The following NAV1 variants were observed in gnomAD, a reference collection of about 807,000 sequenced individuals.
The protein encoded by NAV1 is pore membrane and/or filament interacting like protein 3.
A neutral mutation model predicts 175.2 loss-of-function variants in NAV1; 18 were observed. The observed-to-expected ratio is 0.10, with a 90% CI of 0.07 to 0.15. NAV1 has a LOEUF of 0.15. Among genes scored for constraint, NAV1 ranks in the 10% least tolerant of loss-of-function variants. The pLI, the probability that NAV1 is intolerant of heterozygous loss-of-function variation, is 1.00. For missense variants in NAV1, 1,731 were observed against 2,436.6 expected (o/e 0.71, Z 6.10); for synonymous variants, 897 against 978.7 (o/e 0.92, Z 1.56).
At chr1:201,751,351 C>T (rs147218439) in intron 3 of NAV1, among the ~76,000 whole-genome samples, 71 of 152,312 alleles carry the variant, frequency 4.7e-4, no homozygotes, top group African/African-American at 1.7e-3. Flanking sequence ...GATAAAGCAC[C>T]TAAAAATCTA....
chr1:201,762,973 G>GT (rs1472103312), intron 3 of NAV1, among the ~76,000 whole-genome samples: 5 of 151,878 alleles, frequency 3.3e-5, no homozygotes, highest in Admixed American at 3.3e-4. Flanking sequence ...ATCTATGTGG[G>GT]TTTTAGAAAG....
chr1:201,549,806 C>G (rs559292269), intron 1 of NAV1, among the ~76,000 whole-genome samples: 3 of 150,554 alleles, frequency 2.0e-5, no homozygotes, highest in Non-Finnish European at 4.4e-5. Context: ...GTCAGGAGAT[C>G]GAGAACATCC....
chr1:201,593,368 T>C (rs867747354), intron 2 of NAV1, among the ~76,000 whole-genome samples: 4 of 152,326 alleles, frequency 2.6e-5, no homozygotes, highest in Middle Eastern at 3.4e-3. Flanking sequence ...GGCTAACGCA[T>C]GCCCATAAAT....
intron 2 of NAV1, among the ~76,000 whole-genome samples, chr1:201,593,019 G>C (rs1280229392): frequency 6.6e-6 from 1 of 152,144 alleles, no homozygotes; most frequent in East Asian, 1.9e-4. Context: ...TCTGCATGAG[G>C]CTCCTATCAC....
At chr1:201,778,422 T>C (rs192417083) in intron 3 of NAV1, among the ~76,000 whole-genome samples, 11 of 151,464 alleles carry the variant, frequency 7.3e-5, no homozygotes, top group African/African-American at 2.5e-4. Flanking sequence ...CTGAGAATAG[T>C]TTGTTTGCTT....
rs562098572 is a variant in NAV1 at position 201,668,305 on chromosome 1, G to A, written c.757+18880G>A. Among the ~76,000 whole-genome samples the A allele has an allele frequency of 3.3e-5, 5 of 152,266 alleles. No individual in the cohort carries two copies. The South Asian group carries it at 1.0e-3, about 32-fold the overall frequency. ...TAATCTGATGGCTTTAGCAGGCTTT[G>A]TACTCAAACGGGAGTGAGCTTTGCT... On this transcript the variant is annotated intron_variant, in intron 1 of 29. Coordinates refer to ENST00000367296, the Ensembl canonical transcript of NAV1.
Position 201,603,822 on chromosome 1 carries a change from G to A in NAV1, c.-33+15173G>A, listed in dbSNP as rs1034920342. ...CATAGAGAGTAGGTGCATTACTCTG[G>A]ATGGAAGCCAGGTCTTTGGGCATCG... On this transcript the variant is annotated intron_variant, in intron 2 of 33. Transcript: ENST00000685211. Among the ~76,000 whole-genome samples, 6 of 152,310 alleles carry A rather than the reference G, an allele frequency of 3.9e-5. No individual in the cohort carries two copies. The East Asian group carries it at 1.2e-3, about 29-fold the overall frequency.
chr1:201,810,340 T>C lies in NAV1; in HGVS notation c.4562-183T>C, dbSNP rs1394285979. Among the ~76,000 whole-genome samples, 4 of 152,144 alleles carry C rather than the reference T, an allele frequency of 2.6e-5. No homozygotes were observed. Among genetic ancestry groups the C allele is most frequent in the Non-Finnish European group, 4.4e-5 (3 of 68,034 alleles). ...CACTCCTCACCCCCAGCTCACAGCA[T>C]GTCCCTAAAAAGAAGATCTAAGTTT... On this transcript the variant is annotated intron_variant, in intron 23 of 29. Transcript: ENST00000367296. This position sits in a 1 kb window ranked among gnomAD's most constrained non-coding sequence, Gnocchi z 6.0.
chr1:201,726,864 C>A (rs531708141), intron 3 of NAV1, among the ~76,000 whole-genome samples: 2 of 152,242 alleles, frequency 1.3e-5, no homozygotes, highest in South Asian at 4.1e-4. Flanking sequence ...CTGTAGTGTG[C>A]AGTTAAATAA....
chr1:201,642,167 C>CCTTCCTTCCTT (rs1668780257), intron 2 of NAV1, among the ~76,000 whole-genome samples: 10 of 116,442 alleles, frequency 8.6e-5, no homozygotes, highest in African/African-American at 3.6e-4. Context: ...TCTCTCCCCT[C>CCTTCCTTCCTT]CCTTCCTTCC....
rs1381869291 is a variant in NAV1, at chr1:201,782,743, A to G, written c.2231A>G (p.Lys744Arg). The G allele has an allele frequency of 6.2e-7, 1 of 1,614,020 alleles. No individual in the cohort carries two copies. The highest frequency in any genetic ancestry group is 8.5e-7 in the Non-Finnish European group (1 of 1,179,990). ...CGGGAAAAGGAGAAGGCCAAAGCCA[A>G]GGCAGTGGCCTTGGACTCAGACAAC... The change falls in exon 6 of 30, where the codon AAG becomes AGG. Residue 744 changes from lysine (K) to arginine (R), a missense_variant. Coordinates refer to ENST00000367296, the Ensembl canonical transcript of NAV1. This position sits in a 1 kb window ranked among gnomAD's most constrained non-coding sequence, Gnocchi z 5.4.
chr1:201,599,259 A>C (rs2102228748), intron 2 of NAV1, among the ~76,000 whole-genome samples: 1 of 152,144 alleles, frequency 6.6e-6, no homozygotes, highest in South Asian at 2.1e-4. Flanking sequence ...ATCCAACCCC[A>C]ATCTTTATGG....
At chr1:201,646,120 GTCCCAT>G (rs1302953195), upstream of NAV1, among the ~76,000 whole-genome samples, 1 of 152,166 alleles carries the variant, frequency 6.6e-6, no homozygotes, top group Non-Finnish European at 1.5e-5. Flanking sequence ...AGAAAAGAAA[GTCCCAT>G]GATTGGCCTC....
chr1:201,582,953 C>T (rs1038533775), intron 1 of NAV1, among the ~76,000 whole-genome samples: 3 of 152,272 alleles, frequency 2.0e-5, no homozygotes, highest in Admixed American at 2.0e-4. Context: ...AACTGTCATC[C>T]TTGCTGCTCC....
At chr1:201,577,785 T>A (rs1666735434) in intron 1 of NAV1, among the ~76,000 whole-genome samples, 1 of 152,186 alleles carries the variant, frequency 6.6e-6, no homozygotes, top group African/African-American at 2.4e-5. Flanking sequence ...AGTTGACAGT[T>A]CTTTTTATTT....
chr1:201,549,134 TC>T (rs1284166682), intron 1 of NAV1, among the ~76,000 whole-genome samples: 3 of 141,598 alleles, frequency 2.1e-5, no homozygotes, highest in Non-Finnish European at 4.8e-5. Context: ...TTTCTTTCTT[TC>T]TTTCTTTCTT....
intron 1 of NAV1, among the ~76,000 whole-genome samples, chr1:201,700,549 G>A (rs1054980033): frequency 2.0e-5 from 3 of 152,194 alleles, no homozygotes; most frequent in African/African-American, 4.8e-5. Context: ...GATCTAGAAC[G>A]AGAAATACCA....
At chr1:201,687,419 C>G (rs539895085) in intron 1 of NAV1, among the ~76,000 whole-genome samples, 2 of 152,118 alleles carry the variant, frequency 1.3e-5, no homozygotes, top group African/African-American at 2.4e-5. Flanking sequence ...CCCCTAGGTT[C>G]GTAACCAAAA....
intron 3 of NAV1, among the ~76,000 whole-genome samples, chr1:201,767,642 C>T (rs1049554350): frequency 6.6e-6 from 1 of 152,182 alleles, no homozygotes; most frequent in Non-Finnish European, 1.5e-5. Context: ...GGACTAGCCA[C>T]ATTTCGAGTA....
Sources: gnomAD v4.1 joint callset for allele counts (sites outside exome capture counted in the v4.1 genomes callset) on GRCh38, gnomAD v4.1.1 for gene constraint, Gnocchi (gnomAD v3.1) non-coding constraint, MANE v1.5 for transcripts, NCBI Gene and HGNC (gene_info 2026-07-23, HGNC 2026-07-21) for gene names.